CACNA1S: variants seen among roughly 807,000 people sequenced by gnomAD.
The protein encoded by CACNA1S is voltage-dependent L-type calcium channel subunit alpha-1S.
In CACNA1S, 126 loss-of-function variants were observed where a neutral mutation model predicts 207.4. The ratio of observed to expected loss-of-function variants is 0.61; its 90% CI spans 0.53 to 0.70. The LOEUF (loss-of-function observed/expected upper bound fraction) is 0.70, where lower values mean the gene tolerates loss of function less well. Among genes scored for constraint, CACNA1S ranks in the 30% least tolerant of loss-of-function variants. The probability of loss-of-function intolerance (pLI) is 0.00; values close to 1 mark genes in which losing one functional copy is unlikely to be tolerated. For missense variants in CACNA1S, 2,349 were observed against 2,422.8 expected (o/e 0.97, Z 0.64); for synonymous variants, 960 against 932.7 (o/e 1.03, Z -0.53).
intron 32 of CACNA1S, among the ~76,000 whole-genome samples, chr1:201,052,136 G>A (rs2102559990): frequency 6.6e-6 from 1 of 152,356 alleles, no homozygotes; most frequent in Non-Finnish European, 1.5e-5. Context: ...CCCTGGCCAA[G>A]CATAGGCCCC....
At chr1:201,084,151 A>T (rs1238780919) in intron 9 of CACNA1S, among the ~76,000 whole-genome samples, 1 of 152,238 alleles carries the variant, frequency 6.6e-6, no homozygotes, top group Non-Finnish European at 1.5e-5. Context: ...TTATTGGATT[A>T]TCCTTTAGTG....
Position 201,054,577 on chromosome 1 carries a change from A to T in CACNA1S, c.3610-16T>A. 1 of 1,609,628 alleles carries T rather than the reference A, an allele frequency of 6.2e-7. No individual in the cohort carries two copies. The highest frequency in any genetic ancestry group is 8.5e-7 in the Non-Finnish European group (1 of 1,177,642). ...CCAGGAAAGTCTGTGGAGAAAAGAG[A>T]CGAAGGGAGGGGAAGGAGAGGAGAG... On this transcript the variant is annotated splice_polypyrimidine_tract_variant and intron_variant, in intron 28 of 43. Transcript: ENST00000362061.
intron 13 of CACNA1S, 124 bp downstream of exon 13, chr1:201,075,371 G>A (rs1661569901): frequency 6.1e-6 from 7 of 1,145,906 alleles, no homozygotes; most frequent in Non-Finnish European, 9.0e-6. Context: ...GCATGGGCCT[G>A]GGAGCTCCCC....
At chr1:201,057,838 A>G (rs1456690415) in intron 28 of CACNA1S, among the ~76,000 whole-genome samples, 1 of 152,148 alleles carries the variant, frequency 6.6e-6, no homozygotes, top group Non-Finnish European at 1.5e-5. Flanking sequence ...GTAGGACTCT[A>G]ATCCTCCCAC....
At chr1:201,103,311 A>G (rs767319347) in intron 2 of CACNA1S, among the ~76,000 whole-genome samples, 1 of 152,048 alleles carries the variant, frequency 6.6e-6, no homozygotes, top group Non-Finnish European at 1.5e-5. Context: ...ATGGAGGTTC[A>G]GAGAGTTTAG....
At position 201,080,314 on chromosome 1, in the gene CACNA1S, C is replaced by A. The variant is rs548814965; in HGVS notation, c.1394-2210G>T. ...CTACCCCAAATACTTGGTCATTAAC[C>A]ATTTTCTCAGTAGGTGGCACTACTA... On this transcript the variant is annotated intron_variant, in intron 10 of 43. Coordinates refer to ENST00000362061, the MANE Select transcript of CACNA1S (RefSeq NM_000069.3). Among the ~76,000 whole-genome samples, 15 of 152,250 alleles carry A rather than the reference C, an allele frequency of 9.9e-5. 1 individual carries two copies. The South Asian group carries it at 3.1e-3, about 32-fold the overall frequency.
chr1:201,065,812 A>G (rs1321793243), intron 22 of CACNA1S, 26 bp downstream of exon 22: 3 of 1,538,710 alleles, frequency 1.9e-6, no homozygotes, highest in South Asian at 1.1e-5. Context: ...CGGGAGGGGG[A>G]GCTGCTCGCG....
intron 2 of CACNA1S, among the ~76,000 whole-genome samples, chr1:201,107,601 G>A (rs543244794): frequency 9.5e-4 from 144 of 152,276 alleles, no homozygotes; most frequent in African/African-American, 3.3e-3. Context: ...TTAAACCTTA[G>A]GCCTCCTTTC....
chr1:201,042,280 A>G (rs1455281428), intron 40 of CACNA1S, among the ~76,000 whole-genome samples: 1 of 152,164 alleles, frequency 6.6e-6, no homozygotes, highest in Middle Eastern at 3.2e-3. Flanking sequence ...GATTTCAGGC[A>G]TGCGCCACCA....
chr1:201,092,003 G>A lies in CACNA1S; in HGVS notation c.510C>T (p.Leu170=). The change falls in exon 4 of 44, where the codon CTC becomes CTT. Residue 170 remains leucine, a synonymous_variant. Coordinates refer to ENST00000362061, the MANE Select transcript of CACNA1S (RefSeq NM_000069.3). ...DVKALRAFRV[L]RPLRLVSGVP... is the part of the protein sequence containing the mutation. ...CCCCCGACACCAGCCGGAGGGGTCT[G>A]AGCACTCGGAAGGCTCTGAGGGCCT... 1 of 1,614,166 alleles carries A rather than the reference G, an allele frequency of 6.2e-7. No individual in the cohort carries two copies. The highest frequency in any genetic ancestry group is 8.5e-7 in the Non-Finnish European group (1 of 1,180,030).
At chr1:201,061,820 G>C in intron 24 of CACNA1S, 124 bp downstream of exon 24, 1 of 1,081,282 alleles carries the variant, frequency 9.2e-7, no homozygotes, top group Non-Finnish European at 1.4e-6. Flanking sequence ...TCAGAGAGTT[G>C]GTGGGTTTGT....
At chr1:201,085,098 G>C in intron 8 of CACNA1S, 67 bp from the exon 9 acceptor site, 9 of 1,116,848 alleles carry the variant, frequency 8.1e-6, no homozygotes, top group Non-Finnish European at 1.2e-5. Flanking sequence ...ACCTGGACTG[G>C]GCACCCGAGA....
intron 34 of CACNA1S, 122 bp downstream of exon 34, chr1:201,050,267 G>T: frequency 9.2e-7 from 1 of 1,090,884 alleles, no homozygotes; most frequent in African/African-American, 1.5e-5. Flanking sequence ...TGAGACCTCA[G>T]ATAAATGAAG....
At chr1:201,089,561 A>C in intron 5 of CACNA1S, 98 bp from the exon 6 acceptor site, 1 of 1,191,864 alleles carries the variant, frequency 8.4e-7, no homozygotes, top group Non-Finnish European at 1.2e-6. Flanking sequence ...ATTGAGCAGT[A>C]AGTCTAAAGA....
intron 2 of CACNA1S, 120 bp downstream of exon 2, chr1:201,110,044 C>T (rs929411002): frequency 3.3e-6 from 3 of 903,134 alleles, no homozygotes; most frequent in Non-Finnish European, 5.5e-6. Flanking sequence ...GGATGCAGGG[C>T]CTGCATCGTC....
intron 9 of CACNA1S, among the ~76,000 whole-genome samples, chr1:201,084,479 C>T (rs1302925292): frequency 2.0e-5 from 3 of 152,170 alleles, no homozygotes; most frequent in African/African-American, 7.2e-5. Flanking sequence ...AAGGAAACAG[C>T]CAACCAAATA....
Position 201,075,640 on chromosome 1 carries a change from T to C in CACNA1S, c.1828-25A>G, listed in dbSNP as rs369679577. Reference sequence around the variant, plus strand: ...CCTGTATGGAGGGAGGATAGAGGGCTCGGGAACACAGAGGGGCCTGAGAGT... The same window carrying C: ...CCTGTATGGAGGGAGGATAGAGGGCCCGGGAACACAGAGGGGCCTGAGAGT... On this transcript the variant is annotated intron_variant, in intron 12 of 43. Transcript: ENST00000362061. 6 of 1,613,076 alleles carry C rather than the reference T, an allele frequency of 3.7e-6. No homozygotes were observed. The African/African-American group carries it at 8.0e-5, about 22-fold the overall frequency.
chr1:201,059,289 TG>T lies in CACNA1S; in HGVS notation c.3424del (p.Gln1142SerfsTer5). Reference sequence around the variant, plus strand: ...TGAGATGTGGTTCATCTGCTCCGACTGGTTGTAGTGCTGTGGAGGGGACACA... The same window carrying T: ...TGAGATGTGGTTCATCTGCTCCGACTGTTGTAGTGCTGTGGAGGGGACACA... ...TICLGMQHYN[Q>X]SEQMNHISDI... On this transcript the variant is annotated frameshift_variant, in exon 27 of 44. Coordinates refer to ENST00000362061, the MANE Select transcript of CACNA1S (RefSeq NM_000069.3). LOFTEE classifies it high-confidence loss of function. 1 of 1,612,172 alleles carries T rather than the reference TG, an allele frequency of 6.2e-7. No homozygotes were observed. Among genetic ancestry groups the T allele is most frequent in the Non-Finnish European group, 8.5e-7 (1 of 1,178,280 alleles).
intron 8 of CACNA1S, 102 bp downstream of exon 8, chr1:201,085,334 G>A (rs1662001665): frequency 6.8e-7 from 1 of 1,480,762 alleles, no homozygotes. Flanking sequence ...ACCCTCAAAG[G>A]ACTAATGTTG....
Sources: allele counts gnomAD v4.1 joint callset (sites outside exome capture counted in the v4.1 genomes callset), GRCh38; gene constraint gnomAD v4.1.1; transcripts MANE v1.5; gene names NCBI Gene and HGNC (gene_info 2026-07-23, HGNC 2026-07-21).